FLT1: variants seen among roughly 807,000 people sequenced by gnomAD.
FLT1 encodes the protein fms related receptor tyrosine kinase 1.
In FLT1, 49 loss-of-function variants were observed where a neutral mutation model predicts 156.3. That is an observed-to-expected ratio of 0.31 (90% CI 0.25 to 0.40). FLT1 has a LOEUF of 0.40. Among genes scored for constraint, FLT1 ranks in the 10% least tolerant of loss-of-function variants. The probability of loss-of-function intolerance (pLI) is 1.00; values close to 1 mark genes in which losing one functional copy is unlikely to be tolerated. For synonymous variants in FLT1, 594 were observed against 583.8 expected, an observed-to-expected ratio of 1.02 and a Z score of -0.25; for missense variants, 1,322 against 1,637.2, an observed-to-expected ratio of 0.81 and a Z score of 3.32.
intron 1 of FLT1, among the ~76,000 whole-genome samples, chr13:28,485,135 TA>T (rs1184121533): frequency 6.6e-6 from 1 of 152,106 alleles, no homozygotes; most frequent in Non-Finnish European, 1.5e-5. Flanking sequence ...ATAATTGAAA[TA>T]AAAAATATAT....
At chr13:28,385,514 CCTA>C in intron 13 of FLT1, 1 of 1,010,176 alleles carries the variant, frequency 9.9e-7, no homozygotes, top group Non-Finnish European at 1.2e-6. Flanking sequence ...CTGTCAGTAA[CCTA>C]AGTTGTAAGG....
Position 28,389,833 on chromosome 13 carries a change from C to G in FLT1, c.1932G>C (p.Gly644=), listed in dbSNP as rs1171247831. 1.2e-6 allele frequency: 2 copies of G among 1,614,032 alleles called. No individual in the cohort carries two copies. Among genetic ancestry groups the G allele is most frequent in the East Asian group, 4.5e-5 (2 of 44,900 alleles). Residue 644 remains glycine, a synonymous_variant, in exon 13 of 30, where the codon GGG becomes GGC. Coordinates refer to ENST00000282397, the MANE Select transcript of FLT1 (RefSeq NM_002019.4). The part of the protein sequence containing the change: ...YACRARNVYT[G]EEILQKKEIT... Reference sequence around the variant, plus strand: ...TTTCTTTCTTCTGGAGGATTTCTTCCCCTGTGTATACATTCCTGGCTCTGC... The same window carrying G: ...TTTCTTTCTTCTGGAGGATTTCTTCGCCTGTGTATACATTCCTGGCTCTGC...
chr13:28,321,243 G>A (rs1225926733), intron 23 of FLT1, among the ~76,000 whole-genome samples: 1 of 152,198 alleles, frequency 6.6e-6, no homozygotes, highest in East Asian at 1.9e-4. Flanking sequence ...AGGACAGGTG[G>A]GAGGCCAGGC....
At chr13:28,424,661 G>A (rs79243863) in intron 10 of FLT1, among the ~76,000 whole-genome samples, 2,741 of 152,220 alleles carry the variant, frequency 0.018, 74 homozygotes, top group African/African-American at 0.061. Flanking sequence ...CAAACTAAGC[G>A]AATGCTTTGG....
chr13:28,400,659 C>G (rs17086636), intron 11 of FLT1, among the ~76,000 whole-genome samples: 2,228 of 152,148 alleles, frequency 0.015, 46 homozygotes, highest in African/African-American at 0.051. Context: ...GTTCCTCAGT[C>G]CTTATATCCA....
chr13:28,436,291 C>T (rs1240682474), intron 4 of FLT1, among the ~76,000 whole-genome samples: 1 of 152,048 alleles, frequency 6.6e-6, no homozygotes, highest in African/African-American at 2.4e-5. Context: ...TCCGACAAAG[C>T]AGGCATGTGA....
chr13:28,392,285 G>A (rs913572254), intron 12 of FLT1, among the ~76,000 whole-genome samples: 8 of 152,230 alleles, frequency 5.3e-5, no homozygotes, highest in Non-Finnish European at 2.9e-5. Flanking sequence ...ATCTAAGAAT[G>A]TGCCAGAAGA....
At chr13:28,317,318 C>T (rs1459430920) in intron 25 of FLT1, among the ~76,000 whole-genome samples, 180 bp downstream of exon 25, 1 of 152,224 alleles carries the variant, frequency 6.6e-6, no homozygotes, top group Non-Finnish European at 1.5e-5. Context: ...TGCCCCACTG[C>T]AAGAAAACAC....
At position 28,321,478 on chromosome 13, in the gene FLT1, A is replaced by G. The variant is rs1447811593; in HGVS notation, c.3159T>C (p.Tyr1053=). The change falls in exon 23 of 30, where the codon TAT becomes TAC. Residue 1053 remains tyrosine, a synonymous_variant. Transcript: ENST00000282397. The part of the protein sequence containing the change: ...LARDIYKNPD[Y]VRKGDTRLPL... Reference sequence around the variant, plus strand: ...ACTGACTTACATCTCCTTTTCTCACATAATCGGGGTTCTTATAAATATCCC... The same window carrying G: ...ACTGACTTACATCTCCTTTTCTCACGTAATCGGGGTTCTTATAAATATCCC... 6.2e-7 allele frequency: 1 copy of G among 1,614,074 alleles called. No individual in the cohort carries two copies. Among genetic ancestry groups the G allele is most frequent in the Non-Finnish European group, 8.5e-7 (1 of 1,180,040 alleles).
chr13:28,326,520 C>CTTTTTT (rs58719749), intron 20 of FLT1, among the ~76,000 whole-genome samples: 2 of 80,012 alleles, frequency 2.5e-5, no homozygotes, highest in African/African-American at 4.8e-5. Context: ...CTCTCTCTCT[C>CTTTTTT]TTTTTTTTTT....
intron 24 of FLT1, 105 bp downstream of exon 24, chr13:28,319,318 T>C (rs1343093718): frequency 1.3e-6 from 1 of 761,198 alleles, no homozygotes; most frequent in African/African-American, 1.7e-5. Context: ...GAGTTTTTTG[T>C]TACAGTAGGT....
At chr13:28,458,126 G>A (rs530387970) in intron 3 of FLT1, among the ~76,000 whole-genome samples, 5 of 151,680 alleles carry the variant, frequency 3.3e-5, no homozygotes, top group Admixed American at 2.0e-4. Context: ...TAGTAGAGAC[G>A]GGGTTTCACC....
rs1433506951 is a variant in FLT1, at chr13:28,322,472, G to A, written c.2954-113C>T. 3.8e-6 allele frequency: 3 copies of A among 793,142 alleles called. No individual in the cohort carries two copies. Among genetic ancestry groups the A allele is most frequent in the Non-Finnish European group, 6.5e-6 (3 of 460,780 alleles). The allele number at this position is 793,142 out of a possible 1,614,324, so 49.1% of individuals were successfully genotyped here. ...AAAACAAACCAACAAGTAGATCAGAGTTCATTTTTAAGAGTATTTGAGTTT... is the reference window on the plus strand; with the variant it reads ...AAAACAAACCAACAAGTAGATCAGAATTCATTTTTAAGAGTATTTGAGTTT... On this transcript the variant is annotated intron_variant, in intron 21 of 29. Coordinates refer to ENST00000282397, the MANE Select transcript of FLT1 (RefSeq NM_002019.4). The surrounding 1 kb of genome is among the most constrained non-coding windows in gnomAD (Gnocchi z 4.3).
At chr13:28,430,721 C>T (rs1477610978) in intron 7 of FLT1, among the ~76,000 whole-genome samples, 4 of 152,090 alleles carry the variant, frequency 2.6e-5, no homozygotes, top group African/African-American at 9.7e-5. Context: ...AGAGTAAAAG[C>T]AGGAATAAAA....
chr13:28,321,305 G>A (rs542083553), intron 23 of FLT1, among the ~76,000 whole-genome samples, 158 bp downstream of exon 23: 2 of 152,292 alleles, frequency 1.3e-5, no homozygotes, highest in Admixed American at 1.3e-4. Flanking sequence ...CCTTACACAA[G>A]GGCTCTCTGG....
Position 28,303,286 on chromosome 13 carries a change from C to T in FLT1, c.3898G>A (p.Val1300Ile), listed in dbSNP as rs750346448. 1.7e-5 allele frequency: 27 copies of T among 1,613,918 alleles called. No individual in the cohort carries two copies. Among genetic ancestry groups the T allele is most frequent in the Middle Eastern group, 3.3e-4 (2 of 6,084 alleles). ...GTGAACCTGCGCTTGCCTTCGCTGACGTGCCCACAGCTGGAATGGCAGAAA... is the reference window on the plus strand; with the variant it reads ...GTGAACCTGCGCTTGCCTTCGCTGATGTGCCCACAGCTGGAATGGCAGAAA... The part of the protein sequence containing the change: ...PSFCHSSCGH[V>I]SEGKRRFTYD... Residue 1300 changes from valine to isoleucine, a missense_variant, in exon 30 of 30, where the codon GTC (valine) becomes ATC (isoleucine). By Grantham distance (29) the Val-to-Ile change is conservative. Around this residue, in one of 3 missense-constraint regions of FLT1, gnomAD observed 329 missense variants for 366.2 expected, o/e 0.90. Coordinates refer to ENST00000282397, the MANE Select transcript of FLT1 (RefSeq NM_002019.4).
In FLT1 at chr13:28,372,566, G is replaced by GCATATATATATATATATATA. The variant is rs1279204338; in HGVS notation, c.2116+12318_2116+12319insTATATATATATATATATATG. Among the ~76,000 whole-genome samples the GCATATATATATATATATATA allele has an allele frequency of 3.6e-4, 33 of 91,476 alleles. 3 individuals carry two copies. Among genetic ancestry groups the GCATATATATATATATATATA allele is most frequent in the Non-Finnish European group, 5.8e-4 (26 of 45,022 alleles). The allele number at this position is 91,476 out of a possible 152,430, so 60.0% of individuals were successfully genotyped here. On this transcript the variant is annotated intron_variant, in intron 14 of 29. Coordinates refer to ENST00000282397, the MANE Select transcript of FLT1 (RefSeq NM_002019.4). ...CATATATTCCTCGTTTAAATAAAAT[G>GCATATATATATATATATATA]TATATATATATATATATATATATAT...
intron 1 of FLT1, among the ~76,000 whole-genome samples, chr13:28,491,409 G>C (rs1881465016): frequency 6.6e-6 from 1 of 152,104 alleles, no homozygotes; most frequent in African/African-American, 2.4e-5. Flanking sequence ...ATAAATAGGG[G>C]TTTAAAATGA....
At chr13:28,409,673 T>G (rs1876027979) in intron 10 of FLT1, among the ~76,000 whole-genome samples, 1 of 152,148 alleles carries the variant, frequency 6.6e-6, no homozygotes, top group Non-Finnish European at 1.5e-5. Context: ...CTGGCAGAAT[T>G]TGTACTCAGT....
Sources: gnomAD v4.1 joint callset for allele counts (sites outside exome capture counted in the v4.1 genomes callset) on GRCh38, gnomAD v4.1.1 for gene constraint, gnomAD v4.1.1 regional missense constraint, Gnocchi (gnomAD v3.1) non-coding constraint, MANE v1.5 for transcripts, NCBI Gene and HGNC (gene_info 2026-07-23, HGNC 2026-07-21) for gene names.